The following FRMPD4 variants were observed in gnomAD, a reference collection of about 807,000 sequenced individuals.
FRMPD4 encodes the protein FERM and PDZ domain containing 4, also known as FERM and PDZ domain-containing protein 4.
A neutral mutation model predicts 94.1 loss-of-function variants in FRMPD4; 22 were observed. The ratio of observed to expected loss-of-function variants is 0.23; its 90% CI spans 0.17 to 0.33. The LOEUF is 0.33. FRMPD4 is among the 10% of genes least tolerant of loss of function. The pLI, the probability that FRMPD4 is intolerant of heterozygous loss-of-function variation, is 1.00. For missense variants in FRMPD4, 1,111 were observed against 1,339.9 expected (o/e 0.83, Z 2.67); for synonymous variants, 631 against 548.6 (o/e 1.15, Z -2.10).
chrX:12,101,906 G>C (rs2055259084), intron 3 of FRMPD4, among the ~76,000 whole-genome samples: 1 of 112,126 alleles, frequency 8.9e-6, no homozygotes, highest in African/African-American at 3.2e-5. Flanking sequence ...ATCTATAGCT[G>C]TATTTTTATA....
intron 1 of FRMPD4, among the ~76,000 whole-genome samples, chrX:12,333,354 T>G (rs1421078984): frequency 2.7e-5 from 3 of 111,525 alleles, no homozygotes; most frequent in Non-Finnish European, 5.7e-5. Flanking sequence ...GGCATATTTA[T>G]TTTTTGAACT....
At chrX:12,151,651 CTTTAAATTTTA>C (rs1315828754) in intron 1 of FRMPD4, among the ~76,000 whole-genome samples, 1 of 111,877 alleles carries the variant, frequency 8.9e-6, no homozygotes, top group Admixed American at 9.5e-5. Flanking sequence ...CTTCTATTTT[CTTTAAATTTTA>C]TAACTGTTTT....
exon 1 of FRMPD4, among the ~76,000 whole-genome samples, chrX:11,822,658 A>G (rs1316214092): frequency 8.9e-6 from 1 of 112,218 alleles, no homozygotes; most frequent in Admixed American, 9.4e-5. Flanking sequence ...AATCTCCTGA[A>G]GGATTGGAGG....
intron 1 of FRMPD4, among the ~76,000 whole-genome samples, chrX:12,348,844 G>A (rs762461098): frequency 8.0e-5 from 9 of 111,844 alleles, no homozygotes; most frequent in South Asian, 7.3e-4. Context: ...ATGGGAAACA[G>A]CAACAACAAC....
intron 1 of FRMPD4, among the ~76,000 whole-genome samples, chrX:12,216,399 T>A (rs1385990381): frequency 9.8e-5 from 11 of 111,932 alleles, no homozygotes; most frequent in African/African-American, 3.3e-4. Flanking sequence ...CTGTTGCATC[T>A]TTTTTGACTA....
intron 4 of FRMPD4, among the ~76,000 whole-genome samples, chrX:12,647,334 C>T (rs760096001): frequency 1.8e-5 from 2 of 112,265 alleles, no homozygotes; most frequent in Non-Finnish European, 3.8e-5. Flanking sequence ...CCAATTGCCA[C>T]TGTGGGCAAC....
intron 2 of FRMPD4, among the ~76,000 whole-genome samples, chrX:12,542,869 T>C (rs1276166666): frequency 8.9e-6 from 1 of 112,211 alleles, no homozygotes; most frequent in Non-Finnish European, 1.9e-5. Context: ...CAAAACAGCA[T>C]GGTACTGGTA....
intron 4 of FRMPD4, among the ~76,000 whole-genome samples, chrX:12,633,624 G>A (rs1270562978): frequency 8.9e-6 from 1 of 112,050 alleles, no homozygotes; most frequent in Non-Finnish European, 1.9e-5. Context: ...CTAGTGTTAT[G>A]GATAAACATT....
At chrX:12,634,376 C>G (rs760337455) in intron 4 of FRMPD4, among the ~76,000 whole-genome samples, 10 of 112,112 alleles carry the variant, frequency 8.9e-5, no homozygotes, top group Non-Finnish European at 1.7e-4. Context: ...CTCTGAAACT[C>G]TCCCCCAGGG....
At chrX:12,238,229 A>G (rs2057092339) in intron 1 of FRMPD4, among the ~76,000 whole-genome samples, 2 of 111,610 alleles carry the variant, frequency 1.8e-5, no homozygotes, top group East Asian at 2.8e-4. Context: ...GGTTCAAGCA[A>G]TTCTCCTGCC....
chrX:11,948,241 G>C (rs1218330827), intron 3 of FRMPD4, among the ~76,000 whole-genome samples: 1 of 111,024 alleles, frequency 9.0e-6, no homozygotes, highest in Non-Finnish European at 1.9e-5. Context: ...TAATTCAGAC[G>C]TTGAAACCCT....
At chrX:12,232,372 G>C (rs1167925803) in intron 1 of FRMPD4, among the ~76,000 whole-genome samples, 3 of 111,481 alleles carry the variant, frequency 2.7e-5, no homozygotes, top group Non-Finnish European at 5.7e-5. Flanking sequence ...TTCACAAGGT[G>C]GCAGGAGAGA....
At chrX:12,219,329 G>A (rs1022795923) in intron 1 of FRMPD4, among the ~76,000 whole-genome samples, 5 of 111,119 alleles carry the variant, frequency 4.5e-5, no homozygotes, top group East Asian at 5.6e-4. Context: ...TGTTCACACC[G>A]TCGCACCCCT....
chrX:12,698,219 A>G (rs2060153201), intron 9 of FRMPD4, among the ~76,000 whole-genome samples: 1 of 111,996 alleles, frequency 8.9e-6, no homozygotes, highest in African/African-American at 3.2e-5. Context: ...TGCAATAGTA[A>G]TATCTATTAA....
chrX:12,014,174 T>A (rs1187679805), intron 3 of FRMPD4, among the ~76,000 whole-genome samples: 1 of 111,049 alleles, frequency 9.0e-6, no homozygotes, highest in Non-Finnish European at 1.9e-5. Context: ...GTCACTGGTT[T>A]TCAACCGTGC....
chrX:11,862,562 C>T (rs1056419826), intron 1 of FRMPD4, among the ~76,000 whole-genome samples: 3 of 110,742 alleles, frequency 2.7e-5, no homozygotes, highest in African/African-American at 9.8e-5. Context: ...GGCTCCAGCT[C>T]CTACAGTCTA....
chrX:12,370,048 A>G (rs987665425), intron 1 of FRMPD4, among the ~76,000 whole-genome samples: 17 of 112,248 alleles, frequency 1.5e-4, no homozygotes, highest in Non-Finnish European at 2.6e-4. Flanking sequence ...TGTTGAGCAA[A>G]TGCTCTTTCA....
At chrX:12,280,350 G>A (rs192738911) in intron 1 of FRMPD4, among the ~76,000 whole-genome samples, 7 of 110,219 alleles carry the variant, frequency 6.4e-5, no homozygotes, top group African/African-American at 1.7e-4. Flanking sequence ...TGAATCAGAG[G>A]TGGCTCCTGG....
chrX:12,427,497 TA>T (rs2056959300), intron 1 of FRMPD4, among the ~76,000 whole-genome samples: 1 of 111,306 alleles, frequency 9.0e-6, no homozygotes, highest in Admixed American at 9.6e-5. Context: ...AATGCAAGAA[TA>T]AAAGGAATGA....
Sources: allele counts gnomAD v4.1 joint callset (sites outside exome capture counted in the v4.1 genomes callset), GRCh38; gene constraint gnomAD v4.1.1; transcripts MANE v1.5; gene names NCBI Gene and HGNC (gene_info 2026-07-23, HGNC 2026-07-21).